Variants in CTPS2 observed in about 807,000 individuals in gnomAD.
CTPS2 encodes CTP synthase 2.
In CTPS2, 19 loss-of-function variants were observed where a neutral mutation model predicts 46.8. The observed-to-expected ratio is 0.41, with a 90% CI of 0.28 to 0.60. CTPS2 has a LOEUF of 0.60. Among genes scored for constraint, CTPS2 ranks in the 20% least tolerant of loss-of-function variants. The probability of loss-of-function intolerance (pLI) is 0.35; values close to 1 mark genes in which losing one functional copy is unlikely to be tolerated. For synonymous variants in CTPS2, 151 were observed against 165.2 expected, an observed-to-expected ratio of 0.91 and a Z score of 0.66; for missense variants, 286 against 447.6, an observed-to-expected ratio of 0.64 and a Z score of 3.26.
At chrX:16,646,544 G>A (rs893738153) in intron 13 of CTPS2, among the ~76,000 whole-genome samples, 7 of 112,620 alleles carry the variant, frequency 6.2e-5, no homozygotes, top group African/African-American at 2.3e-4. Flanking sequence ...GCAAAGGTTG[G>A]AAGTGAACTT....
intron 10 of CTPS2, among the ~76,000 whole-genome samples, chrX:16,671,321 A>T (rs1283602477): frequency 9.1e-6 from 1 of 110,456 alleles, no homozygotes; most frequent in Non-Finnish European, 1.9e-5. Flanking sequence ...GCTATTCTTT[A>T]TGTCCTTACT....
chrX:16,669,181 C>T (rs1479576952), intron 11 of CTPS2, among the ~76,000 whole-genome samples: 1 of 110,289 alleles, frequency 9.1e-6, no homozygotes, highest in East Asian at 2.9e-4. Flanking sequence ...ACAGAGTGCT[C>T]GGTGATGAAG....
intron 17 of CTPS2, among the ~76,000 whole-genome samples, chrX:16,603,058 T>C (rs2023852): frequency 0.012 from 1,368 of 111,738 alleles, 31 homozygotes; most frequent in African/African-American, 0.043. Flanking sequence ...GTACTTTTCC[T>C]GCCCCAGTCC....
chrX:16,710,859 C>T (rs936440720), intron 1 of CTPS2, among the ~76,000 whole-genome samples: 5 of 112,074 alleles, frequency 4.5e-5, no homozygotes, highest in Non-Finnish European at 7.5e-5. Flanking sequence ...CCTCGTGATC[C>T]GCCCACCTCG....
chrX:16,650,897 G>A, intron 13 of CTPS2: 1 of 655,508 alleles, frequency 1.5e-6, no homozygotes, highest in Non-Finnish European at 2.4e-6. Flanking sequence ...CCCCATTTAT[G>A]CCAAGGAAAT....
intron 17 of CTPS2, among the ~76,000 whole-genome samples, chrX:16,602,597 TA>T (rs1297969284): frequency 8.9e-6 from 1 of 111,973 alleles, no homozygotes; most frequent in African/African-American, 3.2e-5. Flanking sequence ...GTGCAGCCAT[TA>T]AAAATGAACT....
chrX:16,593,236 T>C (rs1308202974), intron 17 of CTPS2, among the ~76,000 whole-genome samples: 4 of 110,955 alleles, frequency 3.6e-5, no homozygotes, highest in East Asian at 2.8e-4. Flanking sequence ...GAGATCATCC[T>C]GGCTAACACG....
intron 17 of CTPS2, among the ~76,000 whole-genome samples, chrX:16,600,936 G>C (rs1017038077): frequency 9.0e-6 from 1 of 111,665 alleles, no homozygotes; most frequent in Non-Finnish European, 1.9e-5. Context: ...CCCTCACAGC[G>C]GCCCTAAGGA....
chrX:16,662,698 C>CTTTTT (rs760420123), intron 13 of CTPS2, among the ~76,000 whole-genome samples: 4 of 94,182 alleles, frequency 4.2e-5, no homozygotes, highest in Admixed American at 1.2e-4. Flanking sequence ...TCTCCTTAGT[C>CTTTTT]TTTTTTTTTT....
chrX:16,666,066 A>T (rs1187802914), intron 13 of CTPS2, among the ~76,000 whole-genome samples: 1 of 112,531 alleles, frequency 8.9e-6, no homozygotes, highest in African/African-American at 3.2e-5. Flanking sequence ...TATACAGTTT[A>T]AATGGCTAAA....
chrX:16,636,237 A>C (rs1425607609), intron 14 of CTPS2, among the ~76,000 whole-genome samples: 1 of 111,342 alleles, frequency 9.0e-6, no homozygotes, highest in Admixed American at 9.6e-5. Context: ...TCTACTAAAA[A>C]TACAAAAATC....
intron 13 of CTPS2, among the ~76,000 whole-genome samples, chrX:16,652,888 T>G (rs778428372): frequency 8.9e-6 from 1 of 111,829 alleles, no homozygotes; most frequent in East Asian, 2.8e-4. Context: ...CAGTGTTTCA[T>G]ATTCATAAAT....
intron 15 of CTPS2, 51 bp from the exon 16 acceptor site, chrX:16,617,297 C>T: frequency 1.1e-6 from 1 of 906,117 alleles, no homozygotes; most frequent in Non-Finnish European, 1.6e-6. Flanking sequence ...ATACCAGCTG[C>T]CATACCAGGT....
intron 17 of CTPS2, 151 bp from the exon 18 acceptor site, chrX:16,591,013 G>A: frequency 2.5e-6 from 1 of 404,058 alleles, no homozygotes; most frequent in Non-Finnish European, 4.3e-6. Flanking sequence ...GTCACCACAG[G>A]AAGAGGTCAG....
At chrX:16,654,413 C>T (rs1932770872) in intron 13 of CTPS2, 2 of 1,179,119 alleles carry the variant, frequency 1.7e-6, no homozygotes, top group African/African-American at 3.5e-5. Flanking sequence ...AGGGTCCAAA[C>T]ACCCTAGATG....
chrX:16,687,525 C>T (rs1265316314), intron 8 of CTPS2, among the ~76,000 whole-genome samples: 2 of 101,257 alleles, frequency 2.0e-5, no homozygotes, highest in Admixed American at 1.1e-4. Flanking sequence ...AAAGCATAAA[C>T]GCATAGAGTA....
At chrX:16,647,040 A>G (rs1443375291) in intron 13 of CTPS2, among the ~76,000 whole-genome samples, 2 of 111,167 alleles carry the variant, frequency 1.8e-5, no homozygotes, top group East Asian at 5.6e-4. Context: ...GTTTCACAAG[A>G]GTATCTATTA....
chrX:16,682,128 G>C (rs775526857), intron 9 of CTPS2, among the ~76,000 whole-genome samples: 46 of 112,287 alleles, frequency 4.1e-4, no homozygotes, highest in African/African-American at 1.5e-3. Context: ...TGACAAGCAT[G>C]CTCATTCATC....
At chrX:16,681,452 G>A (rs1451726998) in intron 9 of CTPS2, among the ~76,000 whole-genome samples, 2 of 111,842 alleles carry the variant, frequency 1.8e-5, no homozygotes, top group Non-Finnish European at 1.9e-5. Flanking sequence ...ATAAATGTGA[G>A]ATAGATATAT....
Sources: allele counts gnomAD v4.1 joint callset (sites outside exome capture counted in the v4.1 genomes callset), GRCh38; gene constraint gnomAD v4.1.1; transcripts MANE v1.5; gene names NCBI Gene and HGNC (gene_info 2026-07-23, HGNC 2026-07-21).